Variants in FBXO24 observed in about 807,000 individuals in gnomAD.
The protein encoded by FBXO24 is F-box only protein 24.
A neutral mutation model predicts 63.5 loss-of-function variants in FBXO24; 30 were observed. That is an observed-to-expected ratio of 0.47 (90% CI 0.35 to 0.64). The LOEUF is 0.64. Among genes scored for constraint, FBXO24 ranks in the 30% least tolerant of loss-of-function variants. The pLI is 0.00. For missense variants in FBXO24, 624 were observed against 763.4 expected (o/e 0.82, Z 2.15); for synonymous variants, 300 against 305.0 (o/e 0.98, Z 0.17).
intron 8 of FBXO24, among the ~76,000 whole-genome samples, chr7:100,599,174 A>G (rs1802458357): frequency 6.6e-6 from 1 of 152,328 alleles, no homozygotes; most frequent in Non-Finnish European, 1.5e-5. Flanking sequence ...GAATGGCTTG[A>G]GCCCAGGAGG....
Position 100,586,673 on chromosome 7 carries a change from G to C in FBXO24, c.39+9G>C, listed in dbSNP as rs773019527. ...TGCTAAGGAGGAGGCGGGTGAGCTA[G>C]AACTTTAAGACTGAGGTTAAGAATG... On this transcript the variant is annotated intron_variant, in intron 1 of 9. Coordinates refer to ENST00000241071, the MANE Select transcript of FBXO24 (RefSeq NM_033506.3). The C allele has an allele frequency of 1.2e-5, 19 of 1,614,164 alleles. No individual in the cohort carries two copies. Among genetic ancestry groups the C allele is most frequent in the Non-Finnish European group, 1.4e-5 (17 of 1,179,994 alleles).
At chr7:100,595,335 G>GGA in intron 7 of FBXO24, 112 bp downstream of exon 7, 2 of 1,553,710 alleles carry the variant, frequency 1.3e-6, no homozygotes, top group South Asian at 2.4e-5. Flanking sequence ...GGATCCCCAG[G>GGA]GAGAGGTATG....
chr7:100,589,001 T>G (rs1801875326), intron 1 of FBXO24, among the ~76,000 whole-genome samples: 2 of 151,944 alleles, frequency 1.3e-5, no homozygotes, highest in Admixed American at 1.3e-4. Context: ...TTTTAAGTTT[T>G]TTTTTTTTTT....
In FBXO24 at chr7:100,594,283, G is replaced by A. The variant is rs1802183664; in HGVS notation, c.794-100G>A. 1 of 1,332,336 alleles carries A rather than the reference G, an allele frequency of 7.5e-7. No individual in the cohort carries two copies. Among genetic ancestry groups the A allele is most frequent in the South Asian group, 1.3e-5 (1 of 74,834 alleles). The allele number at this position is 1,332,336 out of a possible 1,614,324, so 82.5% of individuals were successfully genotyped here. ...ATTTCTTTCTCAGCCCCACTCTAGG[G>A]CAGTAAATGTGTCACCCATATGGCC... On this transcript the variant is annotated intron_variant, in intron 5 of 9. Coordinates refer to ENST00000241071, the MANE Select transcript of FBXO24 (RefSeq NM_033506.3). This position sits in a 1 kb window ranked among gnomAD's most constrained non-coding sequence, Gnocchi z 4.2.
intron 6 of FBXO24, 56 bp from the exon 7 acceptor site, chr7:100,595,046 T>C: frequency 6.2e-7 from 1 of 1,608,006 alleles, no homozygotes; most frequent in African/African-American, 1.3e-5. Context: ...GGTGGGGCCT[T>C]ATCCCTAGGA....
At chr7:100,590,662 C>T (rs142243162) in intron 3 of FBXO24, among the ~76,000 whole-genome samples, 2 of 152,334 alleles carry the variant, frequency 1.3e-5, no homozygotes, top group African/African-American at 4.8e-5. Flanking sequence ...TAACCCAAGG[C>T]TTCTGAACTC....
Position 100,600,125 on chromosome 7 carries a change from G to C in FBXO24, c.1301G>C (p.Gly434Ala). ...TCAGAGTTCAGCAAGGAGCTGCTGG[G>C]CTGCGGCTGTGGGGCTGGGGGCCGC... Reference protein sequence around the residue: ...QSSEFSKELLGCGCGAGGRLP... With the variant: ...QSSEFSKELLACGCGAGGRLP... Residue 434 changes from glycine (G) to alanine (A), a missense_variant, in exon 9 of 10, where the codon GGC becomes GCC. By Grantham distance (60) the Gly-to-Ala change is moderately conservative. This residue lies in a region of FBXO24 where 216 missense variants were observed against 245.2 expected (regional missense o/e 0.88). Coordinates refer to ENST00000241071, the MANE Select transcript of FBXO24 (RefSeq NM_033506.3). This position sits in a 1 kb window ranked among gnomAD's most constrained non-coding sequence, Gnocchi z 6.3. 1 of 1,603,614 alleles carries C rather than the reference G, an allele frequency of 6.2e-7. No individual in the cohort carries two copies.
intron 4 of FBXO24, 115 bp from the exon 5 acceptor site, chr7:100,592,668 G>T: frequency 1.3e-6 from 1 of 765,168 alleles, no homozygotes; most frequent in Non-Finnish European, 2.2e-6. Context: ...GAAATCAAGG[G>T]CTCATTTCCC....
At position 100,594,780 on chromosome 7, in the gene FBXO24, A is replaced by G. The variant is rs555166805; in HGVS notation, c.952+239A>G. Among the ~76,000 whole-genome samples, 2 of 152,220 alleles carry G rather than the reference A, an allele frequency of 1.3e-5. No homozygotes were observed. Among genetic ancestry groups the G allele is most frequent in the South Asian group, 2.1e-4 (1 of 4,828 alleles). On this transcript the variant is annotated intron_variant, in intron 6 of 9. Coordinates refer to ENST00000241071, the MANE Select transcript of FBXO24 (RefSeq NM_033506.3). This position sits in a 1 kb window ranked among gnomAD's most constrained non-coding sequence, Gnocchi z 4.2. ...AGCCTGGCCAACATGGCGAAACCCC[A>G]TCTCTACTAAAATACAAAAATTAGC...
At position 100,586,655 on chromosome 7, in the gene FBXO24, G is replaced by T. The variant is rs529116785; in HGVS notation, c.30G>T (p.Arg10Ser). MGEKAVPLLRRRRVKRSCPS... is the reference protein window; with the variant it reads MGEKAVPLLSRRRVKRSCPS... ...GCGAGAAGGCGGTCCCTTTGCTAAGGAGGAGGCGGGTGAGCTAGAACTTTA... is the reference window on the plus strand; with the variant it reads ...GCGAGAAGGCGGTCCCTTTGCTAAGTAGGAGGCGGGTGAGCTAGAACTTTA... Residue 10 changes from arginine (R) to serine (S), a missense_variant, in exon 1 of 10, where the codon AGG becomes AGT. By Grantham distance (110) the Arg-to-Ser change is moderately radical. Coordinates refer to ENST00000241071, the MANE Select transcript of FBXO24 (RefSeq NM_033506.3). 2 of 1,614,246 alleles carry T rather than the reference G, an allele frequency of 1.2e-6. No individual in the cohort carries two copies. The highest frequency in any genetic ancestry group is 2.2e-5 in the South Asian group (2 of 91,088).
In FBXO24 at chr7:100,586,437, G is replaced by T. The variant is rs1483621961; in HGVS notation, c.-189G>T. 1 of 663,372 alleles carries T rather than the reference G, an allele frequency of 1.5e-6. No individual in the cohort carries two copies. The highest frequency in any genetic ancestry group is 1.8e-5 in the African/African-American group (1 of 55,456). 41.1% of individuals were successfully genotyped at this position (663,372 alleles called of 1,614,324 possible). A position where few individuals can be genotyped will look rare whatever the true frequency, so the allele number is the denominator to read the frequency against. On this transcript the variant is annotated 5_prime_UTR_variant, in exon 1 of 10. Coordinates refer to ENST00000241071, the MANE Select transcript of FBXO24 (RefSeq NM_033506.3). ...GCCAATCAGGTCCAACCAAGAGGAG[G>T]GGACACCGGCACTCCACTAGCAGGA...
At chr7:100,587,256 TC>T (rs1307411577) in intron 1 of FBXO24, among the ~76,000 whole-genome samples, 2 of 151,966 alleles carry the variant, frequency 1.3e-5, no homozygotes, top group Non-Finnish European at 2.9e-5. Context: ...TTCACTCCCT[TC>T]CTCTCTTCCT....
chr7:100,600,880 C>T lies in FBXO24; in HGVS notation c.1724C>T (p.Pro575Leu), dbSNP rs764553639. 51 of 1,613,052 alleles carry T rather than the reference C, an allele frequency of 3.2e-5. No individual in the cohort carries two copies. The highest frequency in any genetic ancestry group is 1.6e-4 in the Middle Eastern group (1 of 6,076). The change falls in exon 10 of 10, where the codon CCC (proline) becomes CTC (leucine). Residue 575 changes from proline (P) to leucine (L), a missense_variant. By Grantham distance (98) the Pro-to-Leu change is moderately conservative. Coordinates refer to ENST00000241071, the MANE Select transcript of FBXO24 (RefSeq NM_033506.3). This position sits in a 1 kb window ranked among gnomAD's most constrained non-coding sequence, Gnocchi z 6.3. ...RAEGGGGGVGPPAPET is the reference protein window; with the variant it reads ...RAEGGGGGVGLPAPET ...GAAGGAGGCGGGGGTGGTGTAGGGC[C>T]CCCAGCCCCTGAGACCTAATCCCCC...
chr7:100,598,944 A>G (rs895186958), intron 8 of FBXO24, among the ~76,000 whole-genome samples: 3 of 151,798 alleles, frequency 2.0e-5, no homozygotes, highest in Non-Finnish European at 2.9e-5. Context: ...GTGCCACTGC[A>G]CTTCAGCTTG....
At position 100,587,236 on chromosome 7, in the gene FBXO24, A is replaced by G. The variant is rs143252312; in HGVS notation, c.39+572A>G. On this transcript the variant is annotated intron_variant, in intron 1 of 9. Transcript: ENST00000241071. ...CCTTTCCCGCTCCCTCAGTTTTCAC[A>G]GTGGATGTTTTCACTCCCTTCCTCT... Among the ~76,000 whole-genome samples the G allele has an allele frequency of 1.2e-3, 182 of 152,214 alleles. 1 individual carries two copies. Among genetic ancestry groups the G allele is most frequent in the Non-Finnish European group, 1.9e-3 (127 of 67,992 alleles).
In FBXO24 at chr7:100,589,275, A is replaced by G. The variant is rs1801885500; in HGVS notation, c.40-702A>G. 22 of 485,720 alleles carry G rather than the reference A, an allele frequency of 4.5e-5. No homozygotes were observed. In the South Asian group the frequency reaches 1.7e-3, roughly 38 times the overall value. The allele number at this position is 485,720 out of a possible 1,614,324, so 30.1% of individuals were successfully genotyped here. A position where few individuals can be genotyped will look rare whatever the true frequency, so the allele number is the denominator to read the frequency against. On this transcript the variant is annotated intron_variant, in intron 1 of 9. Coordinates refer to ENST00000241071, the MANE Select transcript of FBXO24 (RefSeq NM_033506.3). Reference sequence around the variant, plus strand: ...TTTTTTGAGTCTATACTCTTGAGCTACCAATCCCTAGAGGCCTTGGCCTGC... The same window carrying G: ...TTTTTTGAGTCTATACTCTTGAGCTGCCAATCCCTAGAGGCCTTGGCCTGC...
At chr7:100,597,311 C>T (rs2131275691) in intron 8 of FBXO24, among the ~76,000 whole-genome samples, 1 of 152,256 alleles carries the variant, frequency 6.6e-6, no homozygotes, top group South Asian at 2.1e-4. Context: ...ACATTTACTA[C>T]TGACATGGAA....
In FBXO24 at chr7:100,592,880, G is replaced by A. The variant is rs746147275; in HGVS notation, c.656G>A (p.Arg219Gln). The A allele has an allele frequency of 1.7e-5, 28 of 1,614,028 alleles. No individual in the cohort carries two copies. The highest frequency in any genetic ancestry group is 1.5e-4 in the South Asian group (14 of 91,086). The change falls in exon 5 of 10, where the codon CGG becomes CAG. Residue 219 changes from arginine (R) to glutamine (Q), a missense_variant. By Grantham distance (43) the Arg-to-Gln change is conservative. This residue lies in a region of FBXO24 where 391 missense variants were observed against 469.1 expected (regional missense o/e 0.83). Transcript: ENST00000241071. Reference sequence around the variant, plus strand: ...GAAGTGGTGGGTACCACCAGCAGCCGGGCCTGTGACTGTGTTGAGGTCTAT... The same window carrying A: ...GAAGTGGTGGGTACCACCAGCAGCCAGGCCTGTGACTGTGTTGAGGTCTAT... ...PQEVVGTTSS[R>Q]ACDCVEVYLQ...
intron 1 of FBXO24, 162 bp downstream of exon 1, chr7:100,586,826 C>A: frequency 1.3e-6 from 1 of 754,666 alleles, no homozygotes; most frequent in Non-Finnish European, 2.3e-6. Context: ...GAGGCCAGTG[C>A]ACTGGCGGTT....
Sources: allele counts gnomAD v4.1 joint callset (sites outside exome capture counted in the v4.1 genomes callset), GRCh38; gene constraint gnomAD v4.1.1; regional missense constraint gnomAD v4.1.1; non-coding constraint Gnocchi (gnomAD v3.1); transcripts MANE v1.5; gene names NCBI Gene and HGNC (gene_info 2026-07-23, HGNC 2026-07-21).